The following DOCK3 variants were observed in gnomAD, a reference collection of about 807,000 sequenced individuals.
The protein encoded by DOCK3 is dedicator of cytokinesis 3.
DOCK3 carries 60 observed loss-of-function variants against 265.6 expected under a neutral mutation model. The observed-to-expected ratio is 0.23, with a 90% CI of 0.18 to 0.28. The LOEUF is 0.28. Among genes scored for constraint, DOCK3 ranks in the 10% least tolerant of loss-of-function variants. The pLI is 1.00. For missense variants in DOCK3, 1,981 were observed against 2,594.3 expected (o/e 0.76, Z 5.14); for synonymous variants, 881 against 938.0 (o/e 0.94, Z 1.11).
chr3:50,853,191 C>G (rs2046421593), intron 3 of DOCK3, among the ~76,000 whole-genome samples: 1 of 152,150 alleles, frequency 6.6e-6, no homozygotes, highest in Non-Finnish European at 1.5e-5. Flanking sequence ...TCTCTCCCTT[C>G]CCTTCCAGCT....
At chr3:50,917,675 A>AT (rs1559811185) in intron 4 of DOCK3, among the ~76,000 whole-genome samples, 4 of 151,816 alleles carry the variant, frequency 2.6e-5, no homozygotes, top group Non-Finnish European at 5.9e-5. Context: ...TATTCTTAAT[A>AT]TTGTTTGTTT....
chr3:51,311,843 A>G (rs1272116859), intron 28 of DOCK3, among the ~76,000 whole-genome samples, 161 bp from the exon 29 acceptor site: 1 of 152,168 alleles, frequency 6.6e-6, no homozygotes, highest in Non-Finnish European at 1.5e-5. Flanking sequence ...GATTTTTTCT[A>G]TAGAGTTTGT....
Position 50,743,664 on chromosome 3 carries a change from A to G in DOCK3, c.38-35011A>G, listed in dbSNP as rs936006755. On this transcript the variant is annotated intron_variant, in intron 1 of 52. Coordinates refer to ENST00000266037, the MANE Select transcript of DOCK3 (RefSeq NM_004947.5). Reference sequence around the variant, plus strand: ...ACTATCCTAAATATATATGCATCCAATACAGGAGCACCCAGATTCATAAAG... The same window carrying G: ...ACTATCCTAAATATATATGCATCCAGTACAGGAGCACCCAGATTCATAAAG... 9.2e-5 allele frequency among the ~76,000 whole-genome samples: 14 copies of G among 152,192 alleles called. 1 individual carries two copies. Among genetic ancestry groups the G allele is most frequent in the Non-Finnish European group, 1.5e-4 (10 of 68,042 alleles).
At chr3:50,866,364 A>G (rs1385125924) in intron 3 of DOCK3, among the ~76,000 whole-genome samples, 8 of 152,252 alleles carry the variant, frequency 5.3e-5, no homozygotes. Context: ...ATGTGCCTGT[A>G]ATCCCAGCTA....
intron 3 of DOCK3, among the ~76,000 whole-genome samples, chr3:50,862,812 A>T (rs2046975581): frequency 6.6e-6 from 1 of 151,890 alleles, no homozygotes; most frequent in African/African-American, 2.4e-5. Context: ...GGGGAGTTGG[A>T]CCCTTCCTTT....
chr3:51,239,192 G>A (rs971639804), intron 21 of DOCK3, among the ~76,000 whole-genome samples: 1 of 40,474 alleles, frequency 2.5e-5, no homozygotes, highest in African/African-American at 7.6e-5. Flanking sequence ...CAAAGATAAA[G>A]CGTACTTTTT....
chr3:51,321,953 C>T (rs1167849673), intron 32 of DOCK3, among the ~76,000 whole-genome samples: 1 of 152,202 alleles, frequency 6.6e-6, no homozygotes, highest in Non-Finnish European at 1.5e-5. Flanking sequence ...GACAGGCCAA[C>T]ATTCAAATTC....
intron 1 of DOCK3, among the ~76,000 whole-genome samples, chr3:50,698,834 C>T (rs2107800459): frequency 6.6e-6 from 1 of 152,032 alleles, no homozygotes. Context: ...TTCCTTTGCC[C>T]ATTTTTGAAT....
chr3:50,762,204 A>G (rs1392117359), intron 1 of DOCK3, among the ~76,000 whole-genome samples: 1 of 152,060 alleles, frequency 6.6e-6, no homozygotes, highest in African/African-American at 2.4e-5. Context: ...ATGTATATAT[A>G]TGTCACAAAC....
chr3:50,710,554 G>A (rs1553638109), intron 1 of DOCK3, among the ~76,000 whole-genome samples: 1 of 152,208 alleles, frequency 6.6e-6, no homozygotes. Context: ...CTTTTACATT[G>A]GTGGTGGGAA....
chr3:50,686,460 A>G (rs748874104), intron 1 of DOCK3, among the ~76,000 whole-genome samples: 28 of 152,218 alleles, frequency 1.8e-4, no homozygotes, highest in East Asian at 3.8e-4. Context: ...CACAAAGTCA[A>G]TTCACCTGGT....
intron 4 of DOCK3, among the ~76,000 whole-genome samples, chr3:50,918,427 A>T (rs145492582): frequency 0.094 from 14,342 of 152,000 alleles, 833 homozygotes; most frequent in Non-Finnish European, 0.12. Context: ...ACCTGTTGTT[A>T]ACTGACTTTT....
chr3:50,764,443 A>G (rs1293344079), intron 1 of DOCK3, among the ~76,000 whole-genome samples: 2 of 152,174 alleles, frequency 1.3e-5, no homozygotes, highest in Non-Finnish European at 2.9e-5. Context: ...AGTATACAAG[A>G]GTATGTTTAT....
rs1299115370 is a variant in DOCK3 at position 50,970,946 on chromosome 3, T to A, written c.315+36869T>A. Among the ~76,000 whole-genome samples the A allele has an allele frequency of 2.9e-3, 208 of 71,254 alleles. 7 individuals carry two copies. The highest frequency in any genetic ancestry group is 0.011 in the East Asian group (18 of 1,582). The allele number at this position is 71,254 out of a possible 152,430, so 46.7% of individuals were successfully genotyped here. The stretch of plus-strand genomic sequence containing the variant: ...ATATATATATATATATATATATATA[T>A]AATGTGTGTGTGTGTGTGTGTATAT... On this transcript the variant is annotated intron_variant, in intron 5 of 52. Transcript: ENST00000266037.
chr3:51,351,876 C>T (rs750658731), intron 40 of DOCK3, among the ~76,000 whole-genome samples: 8 of 152,066 alleles, frequency 5.3e-5, no homozygotes, highest in Non-Finnish European at 8.8e-5. Flanking sequence ...AGGCTGGTCT[C>T]GAACTCCTGA....
intron 5 of DOCK3, among the ~76,000 whole-genome samples, chr3:50,935,448 C>T (rs2051307265): frequency 6.6e-6 from 1 of 152,068 alleles, no homozygotes; most frequent in Non-Finnish European, 1.5e-5. Context: ...CACCCCCTAC[C>T]CTATAGTAAT....
chr3:51,211,579 C>T (rs959665716), intron 13 of DOCK3, among the ~76,000 whole-genome samples: 14 of 149,138 alleles, frequency 9.4e-5, no homozygotes, highest in Admixed American at 5.4e-4. Context: ...TCTCACTGTT[C>T]AATTTCCCAC....
intron 5 of DOCK3, among the ~76,000 whole-genome samples, chr3:51,005,687 A>G (rs1313770145): frequency 6.6e-6 from 1 of 152,148 alleles, no homozygotes; most frequent in East Asian, 1.9e-4. Context: ...AAATAAATCT[A>G]AATCTGACCA....
intron 5 of DOCK3, among the ~76,000 whole-genome samples, chr3:50,962,423 A>T (rs1386521263): frequency 6.6e-6 from 1 of 152,180 alleles, no homozygotes; most frequent in Admixed American, 6.5e-5. Flanking sequence ...CTTGTGAGGT[A>T]CTGTATCATT....
Sources: allele counts gnomAD v4.1 joint callset (sites outside exome capture counted in the v4.1 genomes callset), GRCh38; gene constraint gnomAD v4.1.1; transcripts MANE v1.5; gene names NCBI Gene and HGNC (gene_info 2026-07-23, HGNC 2026-07-21).